Variants in PLTP observed in about 807,000 individuals in gnomAD.
The protein encoded by PLTP is phospholipid transfer protein.
In PLTP, 43 loss-of-function variants were observed where a neutral mutation model predicts 54.1. The ratio of observed to expected loss-of-function variants is 0.79; its 90% CI spans 0.62 to 1.02. The LOEUF is 1.02. Ranked by LOEUF, PLTP falls within the 50% of genes least tolerant of loss-of-function variation. The pLI, the probability that PLTP is intolerant of heterozygous loss-of-function variation, is 0.00. For synonymous variants in PLTP, 263 were observed against 264.6 expected, an observed-to-expected ratio of 0.99 and a Z score of 0.06; for missense variants, 604 against 645.9, an observed-to-expected ratio of 0.94 and a Z score of 0.70.
chr20:45,902,226 GTCC>G (rs768631945), intron 12 of PLTP, 38 bp downstream of exon 12: 202 of 1,596,986 alleles, frequency 1.3e-4, no homozygotes, highest in Non-Finnish European at 1.7e-4. Context: ...AGGTGTGATT[GTCC>G]TCCAATCACT....
At chr20:45,911,793 C>T (rs1054104469) in intron 1 of PLTP, 7 of 430,148 alleles carry the variant, frequency 1.6e-5, no homozygotes, top group African/African-American at 1.2e-4. Flanking sequence ...GCGGTGGGCC[C>T]ATGCAGGCTT....
chr20:45,908,760 C>T (rs1458116137), intron 5 of PLTP, among the ~76,000 whole-genome samples: 1 of 151,844 alleles, frequency 6.6e-6, no homozygotes, highest in Non-Finnish European at 1.5e-5. Context: ...CGAGATGGCG[C>T]CACTGCACTC....
At position 45,904,976 on chromosome 20, in the gene PLTP, G is replaced by A. The variant is rs142277281; in HGVS notation, c.848C>T (p.Ala283Val). The A allele has an allele frequency of 1.1e-4, 179 of 1,614,218 alleles. 2 individuals are homozygous for A. The South Asian group carries it at 1.5e-3, about 14-fold the overall frequency. Residue 283 changes from alanine to valine, a missense_variant, in exon 9 of 16, where the codon GCG (alanine) becomes GTG (valine). By Grantham distance (64) the Ala-to-Val change is moderately conservative (BLOSUM62 0). Coordinates refer to ENST00000372431, the MANE Select transcript of PLTP (RefSeq NM_006227.4). ...CACCAGCAACAGCTGCAGGGCCCCC[G>A]CCCGGAAGTAGCTCTCCATGGCAGA... Reference protein sequence around the residue: ...FDSAMESYFRAGALQLLLVGD... With the variant: ...FDSAMESYFRVGALQLLLVGD...
intron 12 of PLTP, among the ~76,000 whole-genome samples, chr20:45,900,748 C>G (rs994913152): frequency 2.6e-5 from 4 of 151,962 alleles, no homozygotes; most frequent in South Asian, 4.1e-4. Context: ...AGGCTGGTAT[C>G]GAACTCCTGG....
At chr20:45,899,807 G>GGGGCCGGGGGGCCC in intron 13 of PLTP, 29 bp downstream of exon 13, 1 of 1,369,466 alleles carries the variant, frequency 7.3e-7, no homozygotes, top group Non-Finnish European at 1.0e-6. Context: ...CACGAACCCA[G>GGGGCCGGGGGGCCC]CCCAGCCCAC....
rs1446057776 is a variant in PLTP at position 45,911,339 on chromosome 20, C to T, written c.100+14G>A. ...GTCCGCTCCCGTCCGTCCCTGTCTGCCCCTGCGCCTTACCCAGCTCCAGCG... is the reference window on the plus strand; with the variant it reads ...GTCCGCTCCCGTCCGTCCCTGTCTGTCCCTGCGCCTTACCCAGCTCCAGCG... On this transcript the variant is annotated intron_variant, in intron 2 of 15. Coordinates refer to ENST00000372431, the MANE Select transcript of PLTP (RefSeq NM_006227.4). 1.2e-6 allele frequency: 2 copies of T among 1,613,616 alleles called. No individual in the cohort carries two copies. Among genetic ancestry groups the T allele is most frequent in the Middle Eastern group, 1.6e-4 (1 of 6,062 alleles).
chr20:45,910,115 C>T (rs1222860660), intron 3 of PLTP, 45 bp from the exon 4 acceptor site: 2 of 1,609,856 alleles, frequency 1.2e-6, no homozygotes, highest in South Asian at 1.1e-5. Context: ...GAAGAGGGAA[C>T]TTCCCCCAAC....
intron 3 of PLTP, chr20:45,910,738 A>T: frequency 2.6e-6 from 2 of 768,346 alleles, no homozygotes; most frequent in Non-Finnish European, 3.4e-6. Flanking sequence ...GCTCCGTCTC[A>T]CATCTCAATT....
chr20:45,902,337 G>C lies in PLTP; in HGVS notation c.1108-3C>G, dbSNP rs748664222. ...ATCTTGGCGCTGAGACGGGCGTCCT[G>C]CAGGAACATGGGGAGGAGGATGTTA... is the stretch of plus-strand genomic sequence containing the variant. On this transcript the variant is annotated splice_region_variant and splice_polypyrimidine_tract_variant and intron_variant, in intron 11 of 15. Coordinates refer to ENST00000372431, the MANE Select transcript of PLTP (RefSeq NM_006227.4). The C allele has an allele frequency of 1.9e-6, 3 of 1,614,186 alleles. No individual in the cohort carries two copies. In the South Asian group the frequency reaches 3.3e-5, roughly 18 times the overall value.
chr20:45,911,176 C>T lies in PLTP; in HGVS notation c.176G>A (p.Gly59Asp), dbSNP rs1412206348. 8.1e-6 allele frequency: 13 copies of T among 1,613,852 alleles called. No homozygotes were observed. The highest frequency in any genetic ancestry group is 2.2e-5 in the South Asian group (2 of 91,088). Residue 59 changes from glycine (G) to aspartate (D), a missense_variant, in exon 3 of 16, where the codon GGC becomes GAC. Coordinates refer to ENST00000372431, the MANE Select transcript of PLTP (RefSeq NM_006227.4). ...ITIPDLRGKE[G>D]HFYYNISEVK... is the part of the protein sequence containing the mutation. ...CTCAGAGATGTTGTAGTAGAAGTGG[C>T]CTTCTTTGCCCCGCAGGTCCGGAAT...
At chr20:45,909,725 G>T in intron 4 of PLTP, 54 bp from the exon 5 acceptor site, 1 of 1,587,196 alleles carries the variant, frequency 6.3e-7, no homozygotes. Context: ...AGTCTTCAGT[G>T]CCCCCATGCA....
rs1293462159 is a variant in PLTP, at chr20:45,899,541, G to C, written c.1283-3C>G. 1.2e-6 allele frequency: 2 copies of C among 1,614,064 alleles called. No homozygotes were observed. Among genetic ancestry groups the C allele is most frequent in the African/African-American group, 2.7e-5 (2 of 74,904 alleles). ...CTGCACCCCACGCCAGGTCCGCTCT[G>C]TGGGTGGGAGCACCCCGCTCAGTCT... On this transcript the variant is annotated splice_polypyrimidine_tract_variant and splice_region_variant and intron_variant, in intron 14 of 15. Transcript: ENST00000372431.
chr20:45,910,529 C>G (rs1423927286), intron 3 of PLTP, among the ~76,000 whole-genome samples: 1 of 151,572 alleles, frequency 6.6e-6, no homozygotes, highest in African/African-American at 2.4e-5. Context: ...GCAGGAAAAT[C>G]GCTTGAACTC....
At chr20:45,911,702 C>A in intron 1 of PLTP, 1 of 588,512 alleles carries the variant, frequency 1.7e-6, no homozygotes, top group Admixed American at 3.0e-5. Context: ...GTTCCCAGTT[C>A]CCTCGTGCTA....
chr20:45,902,172 G>A, intron 12 of PLTP, 95 bp downstream of exon 12: 1 of 1,304,246 alleles, frequency 7.7e-7, no homozygotes, highest in Non-Finnish European at 1.1e-6. Context: ...GCTCTCAGTG[G>A]CTTACAGGTA....
intron 12 of PLTP, 104 bp from the exon 13 acceptor site, chr20:45,899,982 GC>G (rs1298499634): frequency 2.2e-6 from 2 of 926,254 alleles, no homozygotes; most frequent in African/African-American, 1.6e-5. Flanking sequence ...AGGCTCAGAT[GC>G]CCACCTAGGC....
At chr20:45,911,542 T>C (rs1285919760) in intron 1 of PLTP, 79 bp from the exon 2 acceptor site, 2 of 1,569,138 alleles carry the variant, frequency 1.3e-6, no homozygotes, top group African/African-American at 1.3e-5. Context: ...AAGTGGGAAC[T>C]AGCCTGGATC....
intron 5 of PLTP, among the ~76,000 whole-genome samples, chr20:45,908,962 ATTTTTT>A (rs772186266): frequency 1.0e-4 from 12 of 117,982 alleles, no homozygotes; most frequent in African/African-American, 2.7e-4. Context: ...GCTGTTCTAA[ATTTTTT>A]TTTTTTTTTT....
At chr20:45,905,306 A>G (rs1452730872) in intron 8 of PLTP, among the ~76,000 whole-genome samples, 188 bp from the exon 9 acceptor site, 1 of 152,218 alleles carries the variant, frequency 6.6e-6, no homozygotes, top group Non-Finnish European at 1.5e-5. Flanking sequence ...CCAGGGGGCG[A>G]GCCCGTCAGA....
Sources: allele counts gnomAD v4.1 joint callset (sites outside exome capture counted in the v4.1 genomes callset), GRCh38; gene constraint gnomAD v4.1.1; transcripts MANE v1.5; gene names NCBI Gene and HGNC (gene_info 2026-07-23, HGNC 2026-07-21).